Variants in DLEU7 observed in about 807,000 individuals in gnomAD.
The protein encoded by DLEU7 is deleted in lymphocytic leukemia 7, also known as leukemia-associated protein 7.
In DLEU7, 17 loss-of-function variants were observed where a neutral mutation model predicts 16.0. That is an observed-to-expected ratio of 1.06 (90% confidence interval 0.73 to 1.59). The LOEUF (loss-of-function observed/expected upper bound fraction) is 1.59. DLEU7 is among the 40% of genes most tolerant of loss of function. The pLI, the probability that DLEU7 is intolerant of heterozygous loss-of-function variation, is 0.00. For synonymous variants in DLEU7, 113 were observed against 139.8 expected (o/e 0.81, Z 1.35); for missense variants, 308 against 314.9 (o/e 0.98, Z 0.17).
chr13:50,822,523 C>A, downstream of DLEU7: 1 of 631,714 alleles, frequency 1.6e-6, no homozygotes, highest in South Asian at 7.0e-5. Context: ...TCTCTCTTCC[C>A]GGCTCTAAAC....
At chr13:50,723,940 G>A (rs1239935798) in intron 1 of DLEU7, among the ~76,000 whole-genome samples, 3 of 151,854 alleles carry the variant, frequency 2.0e-5, no homozygotes, top group African/African-American at 7.3e-5. Flanking sequence ...AATGCTGAAT[G>A]GTTATTTCTG....
intron 1 of DLEU7, among the ~76,000 whole-genome samples, chr13:50,735,609 G>T (rs1013221360): frequency 6.6e-6 from 1 of 151,744 alleles, no homozygotes; most frequent in Admixed American, 6.6e-5. Flanking sequence ...TATAAACTAT[G>T]CATCTAACAA....
chr13:50,809,307 G>C (rs1876491946), intron 1 of DLEU7, among the ~76,000 whole-genome samples: 1 of 152,150 alleles, frequency 6.6e-6, no homozygotes, highest in Admixed American at 6.6e-5. Flanking sequence ...CTTTGGGACT[G>C]AACATTTCTT....
intron 1 of DLEU7, among the ~76,000 whole-genome samples, chr13:50,785,068 G>C (rs370875733): frequency 1.3e-5 from 2 of 152,128 alleles, no homozygotes; most frequent in Non-Finnish European, 2.9e-5. Flanking sequence ...GTCCTGTGAA[G>C]CCTGAGTTTG....
intron 1 of DLEU7, among the ~76,000 whole-genome samples, chr13:50,729,971 A>G (rs1873873109): frequency 6.6e-6 from 1 of 152,216 alleles, no homozygotes; most frequent in Non-Finnish European, 1.5e-5. Context: ...AAACAGTTCA[A>G]TTAACACATA....
At chr13:50,766,035 G>C (rs894668816) in intron 1 of DLEU7, among the ~76,000 whole-genome samples, 1 of 152,156 alleles carries the variant, frequency 6.6e-6, no homozygotes. Context: ...GGTTGGGGGT[G>C]GGGTGGAGAG....
At chr13:50,763,308 C>T (rs74733332) in intron 1 of DLEU7, among the ~76,000 whole-genome samples, 110 of 152,232 alleles carry the variant, frequency 7.2e-4, no homozygotes, top group African/African-American at 2.6e-3. Context: ...ACTATGATCA[C>T]ATTTGCATTT....
At chr13:50,802,183 G>A (rs1876270651) in intron 1 of DLEU7, among the ~76,000 whole-genome samples, 2 of 147,898 alleles carry the variant, frequency 1.4e-5, no homozygotes, top group Admixed American at 1.3e-4. Flanking sequence ...CTGGGAACAG[G>A]CCTGATGCAG....
intron 1 of DLEU7, among the ~76,000 whole-genome samples, chr13:50,771,006 G>A (rs1214237745): frequency 1.3e-5 from 2 of 152,180 alleles, no homozygotes; most frequent in East Asian, 1.9e-4. Flanking sequence ...GAGGTTGTAT[G>A]TGTCCAGGAA....
At chr13:50,831,088 A>T (rs934872413) in intron 1 of DLEU7, among the ~76,000 whole-genome samples, 1 of 137,150 alleles carries the variant, frequency 7.3e-6, no homozygotes, top group African/African-American at 2.6e-5. Flanking sequence ...ACTCTGTTAG[A>T]TGTTGGGAGA....
intron 1 of DLEU7, among the ~76,000 whole-genome samples, chr13:50,724,072 A>T (rs1873696827): frequency 6.6e-6 from 1 of 152,048 alleles, no homozygotes; most frequent in Non-Finnish European, 1.5e-5. Context: ...TTAAAAGAAA[A>T]AGATGTTTTA....
chr13:50,722,626 A>G (rs982831774), intron 1 of DLEU7, among the ~76,000 whole-genome samples: 5 of 152,186 alleles, frequency 3.3e-5, no homozygotes, highest in Non-Finnish European at 7.4e-5. Flanking sequence ...TATCTATTTA[A>G]AGCACACTCA....
intron 1 of DLEU7, among the ~76,000 whole-genome samples, chr13:50,783,160 G>A (rs1340827604): frequency 6.6e-6 from 1 of 152,088 alleles, no homozygotes; most frequent in East Asian, 1.9e-4. Context: ...TTTCTCAGGG[G>A]GCCCAGCAGG....
chr13:50,724,423 A>G (rs1873708949), intron 1 of DLEU7, among the ~76,000 whole-genome samples: 1 of 152,146 alleles, frequency 6.6e-6, no homozygotes. Context: ...TGTGAGTCTC[A>G]GATATTATTA....
At chr13:50,756,547 C>G (rs1874763051) in intron 1 of DLEU7, among the ~76,000 whole-genome samples, 1 of 152,146 alleles carries the variant, frequency 6.6e-6, no homozygotes, top group South Asian at 2.1e-4. Context: ...ATTCAGAGGG[C>G]CGGTCTCCCT....
intron 1 of DLEU7, among the ~76,000 whole-genome samples, chr13:50,735,444 C>A (rs1317701635): frequency 1.3e-5 from 2 of 152,096 alleles, no homozygotes; most frequent in Non-Finnish European, 1.5e-5. Context: ...GTACCAAATT[C>A]ACTCTTTGTA....
At chr13:50,743,611 G>A (rs978809679) in intron 1 of DLEU7, among the ~76,000 whole-genome samples, 2 of 152,096 alleles carry the variant, frequency 1.3e-5, no homozygotes, top group Non-Finnish European at 2.9e-5. Flanking sequence ...CCCAGTAAAT[G>A]GAAACCACTG....
chr13:50,804,993 AATT>A (rs1252313215), intron 1 of DLEU7, among the ~76,000 whole-genome samples: 3 of 151,956 alleles, frequency 2.0e-5, no homozygotes, highest in Non-Finnish European at 2.9e-5. Flanking sequence ...ATCTACAAGC[AATT>A]ATTATTTGTC....
intron 1 of DLEU7, among the ~76,000 whole-genome samples, chr13:50,732,310 T>TA (rs555914943): frequency 6.6e-6 from 1 of 152,056 alleles, no homozygotes; most frequent in Non-Finnish European, 1.5e-5. Flanking sequence ...TATTGCTTTT[T>TA]AAAAAAAGCT....
Sources: gnomAD v4.1 joint callset for allele counts (sites outside exome capture counted in the v4.1 genomes callset) on GRCh38, gnomAD v4.1.1 for gene constraint, MANE v1.5 for transcripts, NCBI Gene and HGNC (gene_info 2026-07-23, HGNC 2026-07-21) for gene names.